SDK1: variants seen among roughly 807,000 people sequenced by gnomAD.
The protein encoded by SDK1 is sidekick cell adhesion molecule 1, also known as protein sidekick-1.
In SDK1, 157 loss-of-function variants were observed where a neutral mutation model predicts 245.5. That is an observed-to-expected ratio of 0.64 (90% CI 0.56 to 0.73). The LOEUF (loss-of-function observed/expected upper bound fraction) is 0.73, where lower values mean the gene tolerates loss of function less well. Among genes scored for constraint, SDK1 ranks in the 30% least tolerant of loss-of-function variants. SDK1 has a pLI of 0.00. For synonymous variants in SDK1, 1,647 were observed against 1,278.5 expected (o/e 1.29, Z -6.15); for missense variants, 3,583 against 3,002.3 (o/e 1.19, Z -4.52).
intron 14 of SDK1, among the ~76,000 whole-genome samples, chr7:3,996,318 A>G (rs1784696162): frequency 6.6e-6 from 1 of 152,214 alleles, no homozygotes; most frequent in Non-Finnish European, 1.5e-5. Flanking sequence ...TTAATAACTG[A>G]TAAAACAACT....
intron 5 of SDK1, among the ~76,000 whole-genome samples, chr7:3,823,337 A>G (rs1041088450): frequency 6.6e-6 from 1 of 152,226 alleles, no homozygotes; most frequent in Non-Finnish European, 1.5e-5. Context: ...TATAACTACC[A>G]GGATAATAAT....
intron 4 of SDK1, among the ~76,000 whole-genome samples, chr7:3,687,576 G>T (rs1363283779): frequency 6.6e-6 from 1 of 152,148 alleles, no homozygotes. Context: ...CGGCAACTTG[G>T]ATGCATCTCC....
chr7:3,554,657 G>C (rs1779524771), intron 1 of SDK1, among the ~76,000 whole-genome samples: 1 of 152,152 alleles, frequency 6.6e-6, no homozygotes, highest in Non-Finnish European at 1.5e-5. Context: ...AGGCACTGAG[G>C]AGAGTAGGAG....
intron 1 of SDK1, among the ~76,000 whole-genome samples, chr7:3,555,213 T>C (rs1255412106): frequency 6.6e-6 from 1 of 152,042 alleles, no homozygotes; most frequent in Non-Finnish European, 1.5e-5. Flanking sequence ...CAAAACAACA[T>C]GGTATGGGCA....
chr7:3,714,643 T>G (rs776196946), intron 4 of SDK1, among the ~76,000 whole-genome samples: 1 of 152,220 alleles, frequency 6.6e-6, no homozygotes, highest in Non-Finnish European at 1.5e-5. Context: ...TGTCGTTTAA[T>G]ACACTTTATT....
chr7:3,411,965 A>G (rs2128577732), intron 1 of SDK1, among the ~76,000 whole-genome samples: 1 of 152,310 alleles, frequency 6.6e-6, no homozygotes, highest in East Asian at 1.9e-4. Context: ...TGTAGAGGAG[A>G]AACGCACAAA....
intron 4 of SDK1, among the ~76,000 whole-genome samples, chr7:3,807,122 T>G (rs1212425428): frequency 1.3e-5 from 2 of 152,130 alleles, no homozygotes; most frequent in Non-Finnish European, 2.9e-5. Context: ...AGTTCTTACC[T>G]TTTGAGAAAA....
chr7:3,943,949 G>C (rs1328267501), intron 5 of SDK1, among the ~76,000 whole-genome samples: 5 of 152,166 alleles, frequency 3.3e-5, no homozygotes, highest in African/African-American at 1.2e-4. Flanking sequence ...GCGCCCGTTG[G>C]TTGCTGACTT....
At chr7:4,218,165 A>G (rs1389239743) in intron 38 of SDK1, among the ~76,000 whole-genome samples, 2 of 152,194 alleles carry the variant, frequency 1.3e-5, no homozygotes, top group Admixed American at 1.3e-4. Flanking sequence ...GCACGTTGGG[A>G]GGCCGAGGTG....
In SDK1 at chr7:4,011,170, A is replaced by C. The variant is rs1785927517; in HGVS notation, c.2279+57A>C. Reference sequence around the variant, plus strand: ...GAACAGCCGGGGGCCTGAATGCCAAAGAGAAGCATCACATTATGTGGTGGA... The same window carrying C: ...GAACAGCCGGGGGCCTGAATGCCAACGAGAAGCATCACATTATGTGGTGGA... On this transcript the variant is annotated intron_variant, in intron 15 of 44. Coordinates refer to ENST00000404826, the MANE Select transcript of SDK1 (RefSeq NM_152744.4). 3.2e-6 allele frequency: 5 copies of C among 1,583,484 alleles called. No individual in the cohort carries two copies. In the African/African-American group the frequency reaches 5.4e-5, roughly 17 times the overall value.
chr7:4,175,320 G>C (rs1782126722), intron 33 of SDK1, among the ~76,000 whole-genome samples: 1 of 152,214 alleles, frequency 6.6e-6, no homozygotes, highest in East Asian at 1.9e-4. Context: ...AATCAAAACA[G>C]CACAGTAGAA....
chr7:3,873,712 A>G (rs1007170152), intron 5 of SDK1, among the ~76,000 whole-genome samples: 5 of 152,118 alleles, frequency 3.3e-5, no homozygotes, highest in African/African-American at 9.7e-5. Context: ...AGTCTTTTCA[A>G]GTCTGCTCAT....
At chr7:4,138,269 A>C (rs1779228195) in intron 28 of SDK1, among the ~76,000 whole-genome samples, 1 of 152,126 alleles carries the variant, frequency 6.6e-6, no homozygotes, top group South Asian at 2.1e-4. Context: ...ACCCCACTGC[A>C]AACTCCCCCC....
chr7:3,800,124 T>C (rs1779069295), intron 4 of SDK1, among the ~76,000 whole-genome samples: 1 of 152,134 alleles, frequency 6.6e-6, no homozygotes, highest in Non-Finnish European at 1.5e-5. Context: ...TTGGGCAGGA[T>C]TTGCATTTCA....
Position 4,268,419 on chromosome 7 carries a change from C to T in SDK1, c.*3035C>T. On this transcript the variant is annotated 3_prime_UTR_variant, in exon 45 of 45. Coordinates refer to ENST00000404826, the MANE Select transcript of SDK1 (RefSeq NM_152744.4). ...GTCCAGCCCAAGCCCCTCTCCCCAGCCTCGCCTTCAGCCTCTCTCCCAGCC... is the reference window on the plus strand; with the variant it reads ...GTCCAGCCCAAGCCCCTCTCCCCAGTCTCGCCTTCAGCCTCTCTCCCAGCC... 1 of 1,120,580 alleles carries T rather than the reference C, an allele frequency of 8.9e-7. No individual in the cohort carries two copies. The highest frequency in any genetic ancestry group is 1.1e-6 in the Non-Finnish European group (1 of 904,762). 69.4% of individuals were successfully genotyped at this position (1,120,580 alleles called of 1,614,324 possible).
chr7:3,766,447 A>T (rs1780255435), intron 4 of SDK1, among the ~76,000 whole-genome samples: 1 of 152,204 alleles, frequency 6.6e-6, no homozygotes, highest in African/African-American at 2.4e-5. Context: ...CCCCTACACC[A>T]GTCACTTCCT....
chr7:3,467,286 C>T (rs919196138), intron 1 of SDK1, among the ~76,000 whole-genome samples: 12 of 151,908 alleles, frequency 7.9e-5, no homozygotes, highest in African/African-American at 2.9e-4. Flanking sequence ...CATTTGGAGC[C>T]AATTAAATGC....
At chr7:4,087,498 C>CAT (rs397722033) in intron 22 of SDK1, among the ~76,000 whole-genome samples, 1 of 151,678 alleles carries the variant, frequency 6.6e-6, no homozygotes, top group African/African-American at 2.4e-5. Context: ...CACACACACA[C>CAT]GCATTGCTTG....
intron 4 of SDK1, among the ~76,000 whole-genome samples, chr7:3,794,443 A>C (rs112354669): frequency 0.021 from 3,235 of 152,312 alleles, 51 homozygotes; most frequent in Middle Eastern, 0.041. Flanking sequence ...GTGGAAACCT[A>C]ATCCCCAATG....
Sources: allele counts gnomAD v4.1 joint callset (sites outside exome capture counted in the v4.1 genomes callset), GRCh38; gene constraint gnomAD v4.1.1; transcripts MANE v1.5; gene names NCBI Gene and HGNC (gene_info 2026-07-23, HGNC 2026-07-21).